Variants in TJP1 observed in about 807,000 individuals in gnomAD.
TJP1 encodes tight junction protein ZO-1.
Under a neutral mutation model 194.2 loss-of-function variants are expected in TJP1, and 43 were observed. The ratio of observed to expected loss-of-function variants is 0.22; its 90% CI spans 0.17 to 0.29. TJP1 has a LOEUF of 0.29. TJP1 is among the 10% of genes least tolerant of loss of function. The pLI is 1.00. For synonymous variants in TJP1, 801 were observed against 779.0 expected (o/e 1.03, Z -0.47); for missense variants, 1,971 against 2,185.7 (o/e 0.90, Z 1.96).
At chr15:29,933,296 T>C (rs2054779650) in intron 2 of TJP1, among the ~76,000 whole-genome samples, 1 of 151,972 alleles carries the variant, frequency 6.6e-6, no homozygotes, top group Admixed American at 6.6e-5. Flanking sequence ...CTTAGAGCAA[T>C]AAAAGTTAAG....
chr15:29,705,497 C>T (rs754132328), intron 26 of TJP1, 31 bp downstream of exon 26: 6 of 1,608,172 alleles, frequency 3.7e-6, no homozygotes, highest in Non-Finnish European at 4.2e-6. Context: ...CTTAAGTTAT[C>T]AAAACTAAGG....
intron 18 of TJP1, among the ~76,000 whole-genome samples, chr15:29,722,554 A>C (rs1399138502): frequency 6.6e-6 from 1 of 152,210 alleles, no homozygotes; most frequent in East Asian, 1.9e-4. Context: ...AGTCTGCTGC[A>C]GGAGCGGAGC....
At chr15:29,956,185 T>C in intron 2 of TJP1, 1 of 1,159,644 alleles carries the variant, frequency 8.6e-7, no homozygotes, top group Non-Finnish European at 1.1e-6. Flanking sequence ...AATAAAAACT[T>C]TCATACTCTT....
At chr15:29,911,552 A>G (rs1350977675) in intron 2 of TJP1, among the ~76,000 whole-genome samples, 1 of 152,148 alleles carries the variant, frequency 6.6e-6, no homozygotes, top group African/African-American at 2.4e-5. Flanking sequence ...GGAAGCATGC[A>G]CATCTTCACA....
intron 2 of TJP1, among the ~76,000 whole-genome samples, chr15:29,873,585 A>T (rs1280046778): frequency 6.6e-6 from 1 of 152,148 alleles, no homozygotes; most frequent in Admixed American, 6.5e-5. Context: ...GATCAAGACA[A>T]TTTTTGCTAT....
At chr15:29,844,716 A>G (rs1394972667) in intron 2 of TJP1, among the ~76,000 whole-genome samples, 1 of 152,202 alleles carries the variant, frequency 6.6e-6, no homozygotes, top group Non-Finnish European at 1.5e-5. Flanking sequence ...GGCACGTTAT[A>G]TGTGAGTCAT....
intron 8 of TJP1, among the ~76,000 whole-genome samples, chr15:29,749,175 C>G (rs1441523735): frequency 6.7e-6 from 1 of 150,254 alleles, no homozygotes. Context: ...TTAACTTGCA[C>G]GTATTAATCT....
At chr15:29,842,113 T>G (rs1275921865) in intron 2 of TJP1, among the ~76,000 whole-genome samples, 1 of 152,208 alleles carries the variant, frequency 6.6e-6, no homozygotes, top group African/African-American at 2.4e-5. Flanking sequence ...ACATCATTGA[T>G]AGAGTCTTAG....
intron 15 of TJP1, chr15:29,732,090 A>G (rs2043702281): frequency 9.5e-6 from 2 of 209,564 alleles, no homozygotes; most frequent in Non-Finnish European, 1.9e-5. Context: ...AAGAAACTGG[A>G]AAGGATCCAC....
intron 1 of TJP1, among the ~76,000 whole-genome samples, chr15:29,818,201 A>G (rs552596723): frequency 1.8e-4 from 27 of 152,334 alleles, no homozygotes; most frequent in African/African-American, 5.8e-4. Context: ...GCAAAATCTA[A>G]TAAGCATATA....
chr15:29,760,860 G>C (rs930817801), intron 8 of TJP1, among the ~76,000 whole-genome samples: 1 of 152,192 alleles, frequency 6.6e-6, no homozygotes, highest in African/African-American at 2.4e-5. Flanking sequence ...TGGGAACATA[G>C]TCATGCCCAT....
At chr15:29,867,450 G>A (rs2152112545) in intron 2 of TJP1, among the ~76,000 whole-genome samples, 1 of 152,280 alleles carries the variant, frequency 6.6e-6, no homozygotes, top group South Asian at 2.1e-4. Context: ...GGGCCTTGCT[G>A]GCTCCAACGT....
At chr15:29,800,196 T>C (rs1434207832) in intron 2 of TJP1, among the ~76,000 whole-genome samples, 1 of 152,208 alleles carries the variant, frequency 6.6e-6, no homozygotes, top group Non-Finnish European at 1.5e-5. Context: ...TCATCTCTCT[T>C]CTCGCATCTG....
chr15:29,719,240 A>G (rs1299385494), intron 20 of TJP1, 102 bp from the exon 21 acceptor site: 4 of 1,316,944 alleles, frequency 3.0e-6, no homozygotes, highest in Non-Finnish European at 4.1e-6. Context: ...ATATGTGAAA[A>G]TGGTATGTTT....
chr15:29,803,137 G>A (rs2048896136), intron 1 of TJP1, among the ~76,000 whole-genome samples: 1 of 152,140 alleles, frequency 6.6e-6, no homozygotes, highest in African/African-American at 2.4e-5. Context: ...GGGACTGTGG[G>A]TGACATTTTT....
At chr15:29,800,804 T>C in intron 1 of TJP1, 102 bp from the exon 2 acceptor site, 1 of 1,148,816 alleles carries the variant, frequency 8.7e-7, no homozygotes, top group South Asian at 1.4e-5. Context: ...AATACCAAAA[T>C]TCACAGTTAA....
chr15:29,906,618 C>T (rs899486903), intron 2 of TJP1, among the ~76,000 whole-genome samples: 1 of 151,948 alleles, frequency 6.6e-6, no homozygotes, highest in Admixed American at 6.6e-5. Context: ...CTCACTCTGT[C>T]ACCCAGGCTG....
chr15:29,750,971 T>C (rs999273693), intron 8 of TJP1, among the ~76,000 whole-genome samples: 3 of 152,262 alleles, frequency 2.0e-5, no homozygotes, highest in African/African-American at 7.2e-5. Context: ...CAGGAAAATT[T>C]CAGCCTGGAA....
At chr15:29,843,214 G>A (rs1429440776) in intron 2 of TJP1, among the ~76,000 whole-genome samples, 1 of 145,896 alleles carries the variant, frequency 6.9e-6, no homozygotes, top group African/African-American at 2.5e-5. Context: ...TTGAGACGGA[G>A]TTTCGCTCTT....
Sources: allele counts gnomAD v4.1 joint callset (sites outside exome capture counted in the v4.1 genomes callset), GRCh38; gene constraint gnomAD v4.1.1; transcripts MANE v1.5; gene names NCBI Gene and HGNC (gene_info 2026-07-23, HGNC 2026-07-21).